FAAH2: variants seen among roughly 807,000 people sequenced by gnomAD.
FAAH2 encodes the protein fatty-acid amide hydrolase 2.
A neutral mutation model predicts 36.9 loss-of-function variants in FAAH2; 60 were observed. The ratio of observed to expected loss-of-function variants is 1.63; its 90% confidence interval spans 1.32 to 2.02. The LOEUF is 2.02. Ranked by LOEUF, FAAH2 falls within the 30% of genes most tolerant of loss-of-function variation. The probability of loss-of-function intolerance (pLI) is 0.00; values close to 1 mark genes in which losing one functional copy is unlikely to be tolerated. For missense variants in FAAH2, 689 were observed against 397.5 expected (o/e 1.73, Z -6.23); for synonymous variants, 214 against 143.8 (o/e 1.49, Z -3.49).
chrX:57,284,163 A>T (rs1374841787), upstream of FAAH2, among the ~76,000 whole-genome samples: 2 of 111,877 alleles, frequency 1.8e-5, no homozygotes, highest in East Asian at 5.6e-4. Flanking sequence ...GGGCTGGGGT[A>T]GCCTTGTTAG....
At chrX:57,422,316 T>A (rs2056057853) in intron 7 of FAAH2, among the ~76,000 whole-genome samples, 1 of 111,894 alleles carries the variant, frequency 8.9e-6, no homozygotes, top group Non-Finnish European at 1.9e-5. Context: ...ATCCTTTAAG[T>A]TCTTGATGGA....
intron 10 of FAAH2, among the ~76,000 whole-genome samples, chrX:57,454,552 G>A (rs991766995): frequency 3.9e-4 from 43 of 111,607 alleles, no homozygotes; most frequent in African/African-American, 1.3e-3. Context: ...ATAATCCAAG[G>A]AATCCAATAA....
At chrX:57,218,729 G>A in the FAAH2 span, among the ~76,000 whole-genome samples, 3 of 111,500 alleles carry the variant, frequency 2.7e-5, no homozygotes, top group Non-Finnish European at 5.7e-5. Flanking sequence ...GAATTAGGGA[G>A]GGTTCCTTCT....
chrX:57,394,720 A>G (rs1361640931), intron 7 of FAAH2: 1 of 866,327 alleles, frequency 1.2e-6, no homozygotes, highest in Non-Finnish European at 1.7e-6. Flanking sequence ...TCCACAGTTG[A>G]TGACTATTGC....
chrX:57,191,245 C>T, the FAAH2 span, among the ~76,000 whole-genome samples: 1 of 111,818 alleles, frequency 8.9e-6, no homozygotes, highest in South Asian at 3.7e-4. Context: ...ATTAATGATG[C>T]TTGACATCTT....
chrX:57,431,771 G>GTTT (rs1218617071), intron 7 of FAAH2, 147 bp from the exon 8 acceptor site: 29 of 202,025 alleles, frequency 1.4e-4, no homozygotes, highest in African/African-American at 1.3e-3. Flanking sequence ...TTGTTTTTTT[G>GTTT]TTTTTTTGTT....
At chrX:57,186,969 TGTA>T in the FAAH2 span, among the ~76,000 whole-genome samples, 1 of 111,869 alleles carries the variant, frequency 8.9e-6, no homozygotes, top group Non-Finnish European at 1.9e-5. Context: ...ACTGTACCCT[TGTA>T]GTATAGTTTG....
At chrX:57,221,301 A>G in the FAAH2 span, among the ~76,000 whole-genome samples, 1 of 109,636 alleles carries the variant, frequency 9.1e-6, no homozygotes, top group African/African-American at 3.3e-5. Context: ...ACTTTCTTCT[A>G]CTCCTCCAAC....
At chrX:57,338,206 G>T (rs867053320) in intron 4 of FAAH2, among the ~76,000 whole-genome samples, 2 of 111,641 alleles carry the variant, frequency 1.8e-5, no homozygotes, top group Middle Eastern at 9.2e-3. Flanking sequence ...TAAGATGTGG[G>T]TAGGTAAAGG....
intron 10 of FAAH2, among the ~76,000 whole-genome samples, chrX:57,463,429 CA>C (rs1162377369): frequency 9.0e-6 from 1 of 111,259 alleles, no homozygotes; most frequent in East Asian, 2.8e-4. Context: ...CTACAGTAAC[CA>C]AAACACCATA....
At chrX:57,288,381 G>T (rs779764556) in intron 1 of FAAH2, among the ~76,000 whole-genome samples, 1 of 74,102 alleles carries the variant, frequency 1.3e-5, no homozygotes, top group South Asian at 8.4e-4. Flanking sequence ...ACGGAGTCTC[G>T]CTCTGTCGCC....
chrX:57,140,209 T>G, the FAAH2 span, among the ~76,000 whole-genome samples: 1 of 110,604 alleles, frequency 9.0e-6, no homozygotes, highest in Non-Finnish European at 1.9e-5. Flanking sequence ...TAAAATCAGT[T>G]TCTTAGTTAC....
chrX:57,349,424 C>T, intron 5 of FAAH2, among the ~76,000 whole-genome samples: 1 of 91,947 alleles, frequency 1.1e-5, no homozygotes. Context: ...CACATATATA[C>T]ATATATATAC....
At chrX:57,209,226 C>A in the FAAH2 span, among the ~76,000 whole-genome samples, 15 of 111,590 alleles carry the variant, frequency 1.3e-4, no homozygotes, top group East Asian at 3.9e-3. Context: ...ATTTTTCTTC[C>A]ACTTTTATCA....
At chrX:57,459,385 G>C (rs1201067490) in intron 10 of FAAH2, among the ~76,000 whole-genome samples, 2 of 112,182 alleles carry the variant, frequency 1.8e-5, no homozygotes, top group Non-Finnish European at 3.8e-5. Flanking sequence ...GGGGGGAAAG[G>C]GTGGCTGTGG....
At chrX:57,430,614 A>C (rs753092384) in intron 7 of FAAH2, among the ~76,000 whole-genome samples, 2 of 112,003 alleles carry the variant, frequency 1.8e-5, no homozygotes, top group Non-Finnish European at 3.8e-5. Context: ...CACTACTAGA[A>C]ACATGATTAA....
the FAAH2 span, among the ~76,000 whole-genome samples, chrX:57,164,491 C>T: frequency 9.0e-6 from 1 of 110,952 alleles, no homozygotes; most frequent in Admixed American, 9.6e-5. Flanking sequence ...CTAGTATAGC[C>T]CTGGTAGTCA....
At chrX:57,385,721 C>T (rs1386353415) in intron 7 of FAAH2, among the ~76,000 whole-genome samples, 1 of 111,429 alleles carries the variant, frequency 9.0e-6, no homozygotes, top group Non-Finnish European at 1.9e-5. Flanking sequence ...CTGGCTAACA[C>T]GGTGAAATCC....
chrX:57,140,798 G>T, the FAAH2 span, among the ~76,000 whole-genome samples: 51 of 111,219 alleles, frequency 4.6e-4, no homozygotes, highest in African/African-American at 1.6e-3. Context: ...TGGGCATAAA[G>T]ATGTAAATAA....
Sources: allele counts gnomAD v4.1 joint callset (sites outside exome capture counted in the v4.1 genomes callset), GRCh38; gene constraint gnomAD v4.1.1; transcripts MANE v1.5; gene names NCBI Gene and HGNC (gene_info 2026-07-23, HGNC 2026-07-21).